UBE2E3: variants seen among roughly 807,000 people sequenced by gnomAD.
The protein encoded by UBE2E3 is ubiquitin-conjugating enzyme E2 E3.
In UBE2E3, 5 loss-of-function variants were observed where a neutral mutation model predicts 23.6. The ratio of observed to expected loss-of-function variants is 0.21; its 90% CI spans 0.11 to 0.44. The LOEUF (loss-of-function observed/expected upper bound fraction) is 0.44, where lower values mean the gene tolerates loss of function less well. Among genes scored for constraint, UBE2E3 ranks in the 20% least tolerant of loss-of-function variants. The pLI, the probability that UBE2E3 is intolerant of heterozygous loss-of-function variation, is 0.99. For missense variants in UBE2E3, 81 were observed against 249.8 expected (o/e 0.32, Z 4.55); for synonymous variants, 78 against 87.5 (o/e 0.89, Z 0.60).
intron 3 of UBE2E3, among the ~76,000 whole-genome samples, chr2:181,004,861 T>G (rs1056021655): frequency 2.0e-5 from 3 of 152,202 alleles, no homozygotes; most frequent in African/African-American, 7.2e-5. Flanking sequence ...CCAAATGTAA[T>G]TTTGAATGCT....
Position 181,063,311 on chromosome 2 carries a change from A to T in UBE2E3, c.*423A>T, listed in dbSNP as rs1462553636. ...TATGTGGTTCATGCTGTTGTGAAAAATGTTTTACCTTTTACCTTTGTCAGT... is the reference window on the plus strand; with the variant it reads ...TATGTGGTTCATGCTGTTGTGAAAATTGTTTTACCTTTTACCTTTGTCAGT... On this transcript the variant is annotated 3_prime_UTR_variant, in exon 6 of 6. Transcript: ENST00000410062. The surrounding 1 kb of genome is among the most constrained non-coding windows in gnomAD (Gnocchi z 4.1). The T allele has an allele frequency of 6.6e-6, 1 of 152,298 alleles. No individual in the cohort carries two copies. Among genetic ancestry groups the T allele is most frequent in the African/African-American group, 2.4e-5 (1 of 41,358 alleles). 9.4% of individuals were successfully genotyped at this position (152,298 alleles called of 1,614,324 possible). A position where few individuals can be genotyped will look rare whatever the true frequency, so the allele number is the denominator to read the frequency against.
chr2:181,058,823 G>C (rs1687055480), intron 4 of UBE2E3, among the ~76,000 whole-genome samples: 2 of 151,744 alleles, frequency 1.3e-5, no homozygotes, highest in Admixed American at 6.6e-5. Context: ...GTGCCATCTA[G>C]TGGTATTTAC....
intron 3 of UBE2E3, among the ~76,000 whole-genome samples, chr2:181,033,335 T>C (rs370079391): frequency 6.9e-4 from 105 of 152,168 alleles, no homozygotes; most frequent in Admixed American, 4.6e-3. Flanking sequence ...AACGGAGATA[T>C]AGACCAATGG....
intron 3 of UBE2E3, among the ~76,000 whole-genome samples, chr2:181,042,324 T>G (rs1268412743): frequency 3.9e-5 from 6 of 152,234 alleles, no homozygotes; most frequent in African/African-American, 1.4e-4. Flanking sequence ...TTTACATGTT[T>G]AAAGTTTTCT....
At chr2:180,983,116 C>T (rs191637049) in intron 2 of UBE2E3, among the ~76,000 whole-genome samples, 1 of 152,224 alleles carries the variant, frequency 6.6e-6, no homozygotes, top group East Asian at 1.9e-4. Flanking sequence ...ATGTTTACAG[C>T]ATTAACCAAT....
chr2:180,999,057 T>G (rs1684917059), intron 3 of UBE2E3, among the ~76,000 whole-genome samples: 2 of 152,172 alleles, frequency 1.3e-5, no homozygotes, highest in Non-Finnish European at 2.9e-5. Context: ...CAAACTTGTT[T>G]TGAGGCAAAT....
intron 3 of UBE2E3, among the ~76,000 whole-genome samples, chr2:181,013,126 T>G (rs1382230411): frequency 6.6e-6 from 1 of 152,166 alleles, no homozygotes; most frequent in Non-Finnish European, 1.5e-5. Flanking sequence ...CTTGGCTGAC[T>G]ACATTAATTT....
At chr2:181,050,759 A>C (rs1180445889) in intron 3 of UBE2E3, among the ~76,000 whole-genome samples, 2 of 151,866 alleles carry the variant, frequency 1.3e-5, no homozygotes, top group African/African-American at 2.4e-5. Context: ...TGTGATAAAA[A>C]TACTCGAACA....
At chr2:181,039,913 A>G (rs1394002662) in intron 3 of UBE2E3, among the ~76,000 whole-genome samples, 1 of 152,178 alleles carries the variant, frequency 6.6e-6, no homozygotes, top group Non-Finnish European at 1.5e-5. Context: ...TACAATATAA[A>G]TAATAGTTGT....
intron 3 of UBE2E3, among the ~76,000 whole-genome samples, chr2:181,047,288 C>A (rs1265758988): frequency 6.6e-6 from 1 of 152,102 alleles, no homozygotes; most frequent in Non-Finnish European, 1.5e-5. Context: ...GTGGTCTCAT[C>A]TCAGGTATCA....
chr2:181,033,417 C>G (rs1686151828), intron 3 of UBE2E3, among the ~76,000 whole-genome samples: 1 of 152,082 alleles, frequency 6.6e-6, no homozygotes, highest in Non-Finnish European at 1.5e-5. Flanking sequence ...CTGACAAAAA[C>G]AAGAAATGGG....
At chr2:181,050,311 G>A (rs1479740309) in intron 3 of UBE2E3, among the ~76,000 whole-genome samples, 1 of 151,796 alleles carries the variant, frequency 6.6e-6, no homozygotes, top group African/African-American at 2.4e-5. Flanking sequence ...TTCAAAACTT[G>A]AATTTTATAT....
At chr2:180,994,227 G>A (rs750297599) in intron 3 of UBE2E3, among the ~76,000 whole-genome samples, 5 of 152,044 alleles carry the variant, frequency 3.3e-5, no homozygotes, top group Non-Finnish European at 7.4e-5. Context: ...TAAGCACGTT[G>A]CAATTATCAC....
intron 3 of UBE2E3, among the ~76,000 whole-genome samples, chr2:181,043,031 A>G (rs112746782): frequency 2.9e-4 from 44 of 152,332 alleles, no homozygotes; most frequent in African/African-American, 9.9e-4. Context: ...AGGAAGCTTA[A>G]AAGTCAAGTC....
At chr2:181,026,437 C>G (rs1344937869) in intron 3 of UBE2E3, among the ~76,000 whole-genome samples, 1 of 151,010 alleles carries the variant, frequency 6.6e-6, no homozygotes, top group African/African-American at 2.4e-5. Context: ...GTTTCTCTAT[C>G]TTGTTTGTCT....
At chr2:181,049,950 T>G (rs1203308369) in intron 3 of UBE2E3, among the ~76,000 whole-genome samples, 1 of 151,984 alleles carries the variant, frequency 6.6e-6, no homozygotes, top group Non-Finnish European at 1.5e-5. Flanking sequence ...AGAAAAAATA[T>G]ATTTATTTGC....
At chr2:181,018,356 AT>A (rs1252607956) in intron 3 of UBE2E3, among the ~76,000 whole-genome samples, 1 of 144,088 alleles carries the variant, frequency 6.9e-6, no homozygotes, top group Non-Finnish European at 1.5e-5. Flanking sequence ...TAATATTTTT[AT>A]CTCTGTGTGT....
At chr2:181,054,171 T>C (rs531524660) in intron 3 of UBE2E3, among the ~76,000 whole-genome samples, 2 of 151,988 alleles carry the variant, frequency 1.3e-5, no homozygotes, top group East Asian at 3.9e-4. Flanking sequence ...CATGCAGAAT[T>C]TTGTGTGGAC....
rs1686689990 is a variant in UBE2E3 at position 181,046,980 on chromosome 2, C to G, written c.246-10713C>G. Among the ~76,000 whole-genome samples the G allele has an allele frequency of 2.6e-5, 4 of 152,116 alleles. No homozygotes were observed. The South Asian group carries it at 8.3e-4, about 32-fold the overall frequency. On this transcript the variant is annotated intron_variant, in intron 3 of 5. Coordinates refer to ENST00000410062, the MANE Select transcript of UBE2E3 (RefSeq NM_006357.4). ...AAGTGAAAACTAGGTTTCCTTTTCA[C>G]TACAGAGCACCACATCCTTTTTAGA... is the stretch of plus-strand genomic sequence containing the variant.
Sources: allele counts gnomAD v4.1 joint callset (sites outside exome capture counted in the v4.1 genomes callset), GRCh38; gene constraint gnomAD v4.1.1; non-coding constraint Gnocchi (gnomAD v3.1); transcripts MANE v1.5; gene names NCBI Gene and HGNC (gene_info 2026-07-23, HGNC 2026-07-21).